Variants in SGPP2 observed in about 807,000 individuals in gnomAD.
SGPP2 encodes sphingosine-1-phosphate phosphatase 2, also known as sphingosine 1-phosphate phosphohydrolase 2.
In SGPP2, 30 loss-of-function variants were observed where a neutral mutation model predicts 33.9. The observed-to-expected ratio is 0.89, with a 90% CI of 0.66 to 1.20. The LOEUF (loss-of-function observed/expected upper bound fraction) is 1.20. SGPP2 is among the 50% of genes most tolerant of loss of function. The pLI is 0.00. For missense variants in SGPP2, 458 were observed against 532.1 expected (o/e 0.86, Z 1.37); for synonymous variants, 233 against 225.0 (o/e 1.04, Z -0.32).
chr2:222,533,190 G>A (rs1201738876), intron 4 of SGPP2, among the ~76,000 whole-genome samples: 3 of 152,200 alleles, frequency 2.0e-5, no homozygotes, highest in Non-Finnish European at 4.4e-5. Context: ...AGCTTGTGGA[G>A]CTCAGGAAGC....
At chr2:222,431,929 T>C (rs1480810566) in intron 1 of SGPP2, among the ~76,000 whole-genome samples, 2 of 151,876 alleles carry the variant, frequency 1.3e-5, no homozygotes, top group Admixed American at 6.6e-5. Flanking sequence ...AGGCAGAGAG[T>C]GGACTGGAGA....
At chr2:222,541,252 G>A (rs6714352) in intron 4 of SGPP2, among the ~76,000 whole-genome samples, 22,142 of 152,200 alleles carry the variant, frequency 0.15, 2,496 homozygotes, top group East Asian at 0.55. Context: ...TGTAAGAAAC[G>A]ACCATGGAGC....
intron 4 of SGPP2, among the ~76,000 whole-genome samples, chr2:222,557,212 G>A (rs541275487): frequency 1.2e-4 from 18 of 152,298 alleles, no homozygotes; most frequent in Admixed American, 5.9e-4. Context: ...GTAACTGCCT[G>A]TCTCTTTACC....
At chr2:222,481,335 A>G (rs1403173319) in intron 2 of SGPP2, among the ~76,000 whole-genome samples, 1 of 152,236 alleles carries the variant, frequency 6.6e-6, no homozygotes, top group Non-Finnish European at 1.5e-5. Context: ...TCATACTTTT[A>G]TTAATCATTT....
chr2:222,515,864 A>G (rs1312076250), intron 2 of SGPP2, among the ~76,000 whole-genome samples: 2 of 152,012 alleles, frequency 1.3e-5, no homozygotes, highest in East Asian at 3.9e-4. Flanking sequence ...CCTGGCCAAC[A>G]TGGTGAAACC....
chr2:222,548,467 G>C (rs1475878516), intron 4 of SGPP2, among the ~76,000 whole-genome samples: 1 of 152,080 alleles, frequency 6.6e-6, no homozygotes, highest in African/African-American at 2.4e-5. Context: ...CTTTTTCAAA[G>C]TCTTCTCTTT....
rs1334383160 is a variant in SGPP2 at position 222,436,623 on chromosome 2, C to T, written c.219+11802C>T. Among the ~76,000 whole-genome samples, 16 of 152,246 alleles carry T rather than the reference C, an allele frequency of 1.1e-4. 1 individual carries two copies. The East Asian group carries it at 1.9e-3, about 18-fold the overall frequency. On this transcript the variant is annotated intron_variant, in intron 1 of 4. Transcript: ENST00000321276. ...TACTTCTTTAGCCGTAAAGTGAATG[C>T]GTTGGTCAGAGGCAATGCTGTGTGG...
At chr2:222,520,326 C>T (rs1698664188) in intron 2 of SGPP2, among the ~76,000 whole-genome samples, 2 of 151,968 alleles carry the variant, frequency 1.3e-5, no homozygotes, top group African/African-American at 2.4e-5. Context: ...GGTATGTCTT[C>T]TTTTGAGAAC....
At chr2:222,524,744 G>T (rs1313762124) in intron 3 of SGPP2, among the ~76,000 whole-genome samples, 200 bp from the exon 4 acceptor site, 1 of 152,142 alleles carries the variant, frequency 6.6e-6, no homozygotes, top group Non-Finnish European at 1.5e-5. Flanking sequence ...CCAGAACTGT[G>T]TACCTGGGTA....
chr2:222,440,578 T>A (rs1463792868), intron 1 of SGPP2, among the ~76,000 whole-genome samples: 1 of 152,138 alleles, frequency 6.6e-6, no homozygotes, highest in Non-Finnish European at 1.5e-5. Context: ...CCTGACCTTG[T>A]GATCTGCCCA....
At chr2:222,450,044 A>G (rs559789642) in intron 1 of SGPP2, among the ~76,000 whole-genome samples, 6 of 152,358 alleles carry the variant, frequency 3.9e-5, no homozygotes, top group African/African-American at 1.4e-4. Flanking sequence ...ACAATAATCA[A>G]ATATTGTCAA....
At chr2:222,514,199 G>T (rs1298120326) in intron 2 of SGPP2, among the ~76,000 whole-genome samples, 1 of 152,154 alleles carries the variant, frequency 6.6e-6, no homozygotes. Context: ...TAGGAGCCTT[G>T]AACCTGCTTT....
Position 222,562,316 on chromosome 2 carries a change from A to G in SGPP2, c.*3418A>G, listed in dbSNP as rs1287085852. On this transcript the variant is annotated 3_prime_UTR_variant, in exon 5 of 5. Transcript: ENST00000321276. Reference sequence around the variant, plus strand: ...TCATGCCAGTTTTGCTCAAACCTGCACCGTCACAAGATATTCAGAAGATGA... The same window carrying G: ...TCATGCCAGTTTTGCTCAAACCTGCGCCGTCACAAGATATTCAGAAGATGA... 1.3e-5 allele frequency among the ~76,000 whole-genome samples: 2 copies of G among 152,212 alleles called. No homozygotes were observed. Among genetic ancestry groups the G allele is most frequent in the Non-Finnish European group, 2.9e-5 (2 of 68,042 alleles).
At chr2:222,458,285 G>A (rs1052228564) in intron 1 of SGPP2, among the ~76,000 whole-genome samples, 1 of 151,670 alleles carries the variant, frequency 6.6e-6, no homozygotes, top group African/African-American at 2.4e-5. Context: ...AAACTTCTTG[G>A]TTCAAGTGAT....
chr2:222,492,955 T>C (rs1212915091), intron 2 of SGPP2, among the ~76,000 whole-genome samples: 2 of 152,228 alleles, frequency 1.3e-5, no homozygotes, highest in African/African-American at 2.4e-5. Flanking sequence ...TGAACTTCAT[T>C]GTCCATATTA....
At chr2:222,450,074 A>G (rs1697460745) in intron 1 of SGPP2, among the ~76,000 whole-genome samples, 1 of 152,228 alleles carries the variant, frequency 6.6e-6, no homozygotes, top group African/African-American at 2.4e-5. Context: ...CTTCAATCTA[A>G]AAGGAATCAT....
rs1689225058 is a variant in SGPP2, at chr2:222,547,660, T to C, written c.649-10687T>C. 3.9e-5 allele frequency among the ~76,000 whole-genome samples: 6 copies of C among 152,286 alleles called. No homozygotes were observed. In the South Asian group the frequency reaches 1.0e-3, roughly 26 times the overall value. ...ACATCGAGAAACATAATACCTGCCT[T>C]ACTTACCTTTTAGCAAACCAGCACC... is the stretch of plus-strand genomic sequence containing the variant. On this transcript the variant is annotated intron_variant, in intron 4 of 4. Transcript: ENST00000321276.
At chr2:222,546,442 T>C (rs1237652553) in intron 4 of SGPP2, among the ~76,000 whole-genome samples, 3 of 152,140 alleles carry the variant, frequency 2.0e-5, no homozygotes, top group African/African-American at 7.2e-5. Context: ...TTGTCCAGCC[T>C]CATCAAAAAG....
At chr2:222,551,191 A>C (rs1029111874) in intron 4 of SGPP2, among the ~76,000 whole-genome samples, 1 of 151,978 alleles carries the variant, frequency 6.6e-6, no homozygotes, top group Non-Finnish European at 1.5e-5. Flanking sequence ...CTATCCCTCA[A>C]ATCCACCCGT....
Sources: allele counts gnomAD v4.1 joint callset (sites outside exome capture counted in the v4.1 genomes callset), GRCh38; gene constraint gnomAD v4.1.1; transcripts MANE v1.5; gene names NCBI Gene and HGNC (gene_info 2026-07-23, HGNC 2026-07-21).